Variants in NBAS observed in about 807,000 individuals in gnomAD.
The protein encoded by NBAS is NAG/BC035112 fusion.
In NBAS, 219 loss-of-function variants were observed where a neutral mutation model predicts 302.5. That is an observed-to-expected ratio of 0.72 (90% CI 0.65 to 0.81). The LOEUF (loss-of-function observed/expected upper bound fraction) is 0.81, where lower values mean the gene tolerates loss of function less well. NBAS is among the 30% of genes least tolerant of loss of function. The pLI is 0.00. For synonymous variants in NBAS, 1,118 were observed against 1,021.6 expected, an observed-to-expected ratio of 1.09 and a Z score of -1.80; for missense variants, 2,932 against 2,841.6, an observed-to-expected ratio of 1.03 and a Z score of -0.72.
chr2:14,927,477 C>T, the NBAS span, among the ~76,000 whole-genome samples: 1 of 152,194 alleles, frequency 6.6e-6, no homozygotes, highest in Non-Finnish European at 1.5e-5. Flanking sequence ...GACATTTAGG[C>T]TATCTTCCAT....
At chr2:14,848,484 G>A in the NBAS span, among the ~76,000 whole-genome samples, 67 of 144,088 alleles carry the variant, frequency 4.6e-4, 2 homozygotes, top group African/African-American at 1.9e-3. Flanking sequence ...CTGCAAGGCG[G>A]CAGCGAGGCT....
At chr2:15,479,826 G>A (rs1014210374) in intron 12 of NBAS, among the ~76,000 whole-genome samples, 4 of 152,120 alleles carry the variant, frequency 2.6e-5, no homozygotes, top group Admixed American at 2.0e-4. Flanking sequence ...GTGTTCTTCT[G>A]TTTCCAGAAC....
chr2:14,872,899 G>C, the NBAS span, among the ~76,000 whole-genome samples: 3 of 152,098 alleles, frequency 2.0e-5, no homozygotes, highest in East Asian at 5.8e-4. Context: ...CGGTGGGTTT[G>C]TGGTCTCACT....
At chr2:15,122,715 G>A in the NBAS span, among the ~76,000 whole-genome samples, 2 of 152,178 alleles carry the variant, frequency 1.3e-5, no homozygotes, top group Non-Finnish European at 2.9e-5. Flanking sequence ...TAATAATACT[G>A]AGGAAGGGAA....
the NBAS span, among the ~76,000 whole-genome samples, chr2:14,871,937 C>T: frequency 1.3e-5 from 2 of 152,010 alleles, no homozygotes; most frequent in African/African-American, 4.8e-5. Context: ...AATTTGTAGA[C>T]AGAGATTGTC....
At position 15,309,217 on chromosome 2, in the gene NBAS, G is replaced by T. The variant is rs1276689371; in HGVS notation, c.4613C>A (p.Pro1538Gln). 1 of 1,612,396 alleles carries T rather than the reference G, an allele frequency of 6.2e-7. No individual in the cohort carries two copies. The highest frequency in any genetic ancestry group is 8.5e-7 in the Non-Finnish European group (1 of 1,178,952). Residue 1538 changes from proline to glutamine, a missense_variant, in exon 39 of 52, where the codon CCA becomes CAA. Pro to Gln is a moderately conservative substitution (Grantham distance 76). Transcript: ENST00000281513. Reference sequence around the variant, plus strand: ...AGCAAGAGCCAAGGTCATGTCATTTGGCAAGGCTTCACTTGCTAGTTGCAA... The same window carrying T: ...AGCAAGAGCCAAGGTCATGTCATTTTGCAAGGCTTCACTTGCTAGTTGCAA... ...VLLQLASEAL[P>Q]NDMTLALAYL... is the part of the protein sequence containing the mutation.
chr2:15,245,132 G>A (rs1439968602), intron 44 of NBAS, among the ~76,000 whole-genome samples: 1 of 152,092 alleles, frequency 6.6e-6, no homozygotes, highest in East Asian at 1.9e-4. Context: ...ATCTGCTCCA[G>A]CCACGCCTCT....
the NBAS span, among the ~76,000 whole-genome samples, chr2:15,035,866 G>A: frequency 2.6e-5 from 4 of 152,218 alleles, no homozygotes; most frequent in East Asian, 7.7e-4. Context: ...CCTGTAGGGG[G>A]TGGGAGAACA....
At chr2:15,104,514 T>A in the NBAS span, among the ~76,000 whole-genome samples, 1 of 148,464 alleles carries the variant, frequency 6.7e-6, no homozygotes, top group Non-Finnish European at 1.5e-5. Flanking sequence ...TTTTTTTTTT[T>A]ACCAAAATTG....
chr2:15,477,273 T>C (rs934444897), intron 13 of NBAS, among the ~76,000 whole-genome samples: 5 of 152,174 alleles, frequency 3.3e-5, no homozygotes, highest in African/African-American at 1.2e-4. Context: ...AAAGCATTTT[T>C]TTTTTTGAGA....
Position 15,534,608 on chromosome 2 carries a change from G to A in NBAS, c.681C>T (p.His227=). Residue 227 remains histidine, a synonymous_variant, in exon 9 of 52, where the codon CAC becomes CAT. Coordinates refer to ENST00000281513, the MANE Select transcript of NBAS (RefSeq NM_015909.4). ...GATAATGACTACTGAAGCTGAAACA[G>A]TGACTTTCTTGGTAGCTCTGATTTG... ...VGTNQSYQES[H]CFSFSSHYPH... is the part of the protein sequence containing the mutation. 1 of 1,613,836 alleles carries A rather than the reference G, an allele frequency of 6.2e-7. No homozygotes were observed. The highest frequency in any genetic ancestry group is 8.5e-7 in the Non-Finnish European group (1 of 1,179,784).
the NBAS span, among the ~76,000 whole-genome samples, chr2:15,035,063 T>C: frequency 6.6e-6 from 1 of 152,124 alleles, no homozygotes; most frequent in East Asian, 1.9e-4. Context: ...TTTCATAGTA[T>C]GTTGCACCAC....
the NBAS span, among the ~76,000 whole-genome samples, chr2:14,845,912 G>GAA: frequency 1.3e-5 from 2 of 151,370 alleles, no homozygotes; most frequent in African/African-American, 4.9e-5. Flanking sequence ...CTACAAGATT[G>GAA]AAAAAAAATA....
chr2:14,810,980 A>C, the NBAS span, among the ~76,000 whole-genome samples: 193 of 152,374 alleles, frequency 1.3e-3, 1 homozygote, highest in African/African-American at 4.5e-3. Flanking sequence ...TCAGATCAGA[A>C]GTGAGGTAAG....
At chr2:15,145,485 G>A in the NBAS span, among the ~76,000 whole-genome samples, 3 of 151,404 alleles carry the variant, frequency 2.0e-5, no homozygotes, top group South Asian at 2.1e-4. Flanking sequence ...CTTTTATTAT[G>A]GTTTAATCTT....
At chr2:14,959,102 T>G in the NBAS span, among the ~76,000 whole-genome samples, 461 of 152,312 alleles carry the variant, frequency 3.0e-3, 2 homozygotes, top group African/African-American at 0.01. Context: ...TCAAGACGCC[T>G]GTGTTTGTGT....
chr2:15,446,112 G>C (rs781179721), intron 21 of NBAS, among the ~76,000 whole-genome samples: 16 of 151,672 alleles, frequency 1.1e-4, no homozygotes, highest in Admixed American at 3.3e-4. Context: ...GTATTGGGAA[G>C]GAGAAACAAG....
chr2:15,087,377 T>C, the NBAS span, among the ~76,000 whole-genome samples: 4 of 152,184 alleles, frequency 2.6e-5, no homozygotes, highest in African/African-American at 9.7e-5. Context: ...TAGTAAGAAG[T>C]AGTTAGAGAA....
the NBAS span, among the ~76,000 whole-genome samples, chr2:15,033,879 C>A: frequency 6.6e-6 from 1 of 151,438 alleles, no homozygotes; most frequent in African/African-American, 2.4e-5. Flanking sequence ...ACCTAGGGGG[C>A]AGAGTTTGCA....
Sources: allele counts gnomAD v4.1 joint callset (sites outside exome capture counted in the v4.1 genomes callset), GRCh38; gene constraint gnomAD v4.1.1; transcripts MANE v1.5; gene names NCBI Gene and HGNC (gene_info 2026-07-23, HGNC 2026-07-21).